Variants in ARHGEF10 observed in about 807,000 individuals in gnomAD.
ARHGEF10 encodes Rho guanine nucleotide exchange factor 10.
In ARHGEF10, 140 loss-of-function variants were observed where a neutral mutation model predicts 147.4. The observed-to-expected ratio is 0.95, with a 90% CI of 0.83 to 1.09. The LOEUF (loss-of-function observed/expected upper bound fraction) is 1.09, where lower values mean the gene tolerates loss of function less well. Ranked by LOEUF, ARHGEF10 falls within the 50% of genes least tolerant of loss-of-function variation. The pLI is 0.00. For synonymous variants in ARHGEF10, 902 were observed against 695.8 expected, an observed-to-expected ratio of 1.30 and a Z score of -4.67; for missense variants, 2,222 against 1,752.7, an observed-to-expected ratio of 1.27 and a Z score of -4.78.
rs1054455406 is a variant in ARHGEF10 at position 1,948,600 on chromosome 8, A to T, written c.3397+2945A>T. ...TTCAGTTTTGTTTGTGATGCTTCTG[A>T]CAGTGATTCTCTGTAAGATCCTCAG... On this transcript the variant is annotated intron_variant, in intron 27 of 28. Transcript: ENST00000349830. The surrounding 1 kb of genome is among the most constrained non-coding windows in gnomAD (Gnocchi z 4.9). 6.6e-6 allele frequency among the ~76,000 whole-genome samples: 1 copy of T among 152,116 alleles called. No individual in the cohort carries two copies. The highest frequency in any genetic ancestry group is 1.5e-5 in the Non-Finnish European group (1 of 68,032).
chr8:1,869,098 A>G, intron 6 of ARHGEF10, 96 bp from the exon 7 acceptor site: 2 of 1,158,668 alleles, frequency 1.7e-6, no homozygotes, highest in South Asian at 2.5e-5. Flanking sequence ...CTTTTTGAAT[A>G]ATCATGACAT....
intron 4 of ARHGEF10, 125 bp from the exon 5 acceptor site, chr8:1,864,248 C>G (rs971131564): frequency 3.2e-6 from 3 of 936,914 alleles, no homozygotes; most frequent in African/African-American, 1.6e-5. Context: ...TATTAATCAC[C>G]CTTATGCTAA....
At position 1,864,359 on chromosome 8, in the gene ARHGEF10, T is replaced by G. The variant is rs1308437586; in HGVS notation, c.482-14T>G. On this transcript the variant is annotated splice_polypyrimidine_tract_variant and intron_variant, in intron 4 of 28. Coordinates refer to ENST00000349830, the MANE Select transcript of ARHGEF10 (RefSeq NM_014629.4). ...CAGGCGTAAAGCAGCATCACATATT[T>G]TCTTTCCCAGCAGAAACACCAGAAG... is the stretch of plus-strand genomic sequence containing the variant. 2.5e-6 allele frequency: 4 copies of G among 1,613,892 alleles called. No individual in the cohort carries two copies. In the African/African-American group the frequency reaches 5.3e-5, roughly 22 times the overall value.
At chr8:1,954,284 G>T (rs1563337433) in intron 28 of ARHGEF10, among the ~76,000 whole-genome samples, 2 of 152,008 alleles carry the variant, frequency 1.3e-5, no homozygotes, top group Non-Finnish European at 2.9e-5. Flanking sequence ...AGTAGAGGTG[G>T]GGTTTCATCA....
chr8:1,909,262 A>G, intron 17 of ARHGEF10, 33 bp from the exon 18 acceptor site: 1 of 1,614,110 alleles, frequency 6.2e-7, no homozygotes, highest in Non-Finnish European at 8.5e-7. Context: ...TCATGTAATT[A>G]TTCGTAAAAC....
At chr8:1,852,236 G>A (rs111278756) in intron 2 of ARHGEF10, among the ~76,000 whole-genome samples, 1 of 151,106 alleles carries the variant, frequency 6.6e-6, no homozygotes, top group Admixed American at 6.6e-5. Flanking sequence ...AGAGGACCGG[G>A]GAGCAGCACC....
chr8:1,834,095 A>G (rs555879622), intron 1 of ARHGEF10, among the ~76,000 whole-genome samples: 2 of 152,226 alleles, frequency 1.3e-5, no homozygotes, highest in South Asian at 2.1e-4. Context: ...ACCCTCACCC[A>G]TCGGGGTGGA....
rs71211518 is a variant in ARHGEF10 at position 1,858,143 on chromosome 8, A to AGTCCCCAGGTGGGTCCCCAGGTGG, written c.193+51_193+52insGGTCCCCAGGTGGGTCCCCAGGTG. ...GAGTTTCCAGGAGGGTCCCCAGGTG[A>AGTCCCCAGGTGGGTCCCCAGGTGG]GTCCCCAGGTGGGTCCCCAGGTGAG... On this transcript the variant is annotated intron_variant, in intron 3 of 28. Coordinates refer to ENST00000349830, the MANE Select transcript of ARHGEF10 (RefSeq NM_014629.4). 0.091 allele frequency: 138,879 copies of AGTCCCCAGGTGGGTCCCCAGGTGG among 1,520,616 alleles called. 11,403 individuals carry two copies. The highest frequency in any genetic ancestry group is 0.15 in the African/African-American group (10,130 of 66,544). The allele number at this position is 1,520,616 out of a possible 1,614,324, so 94.2% of individuals were successfully genotyped here.
At chr8:1,862,541 C>G (rs1806217712) in intron 4 of ARHGEF10, among the ~76,000 whole-genome samples, 1 of 152,190 alleles carries the variant, frequency 6.6e-6, no homozygotes, top group African/African-American at 2.4e-5. Context: ...CAGTTTGCAC[C>G]TTAATTTCCC....
intron 1 of ARHGEF10, among the ~76,000 whole-genome samples, chr8:1,839,419 GAA>G (rs1803813390): frequency 2.0e-5 from 3 of 148,238 alleles, no homozygotes; most frequent in African/African-American, 5.1e-5. Context: ...GTCTGCTGTG[GAA>G]GCTGTCTGGT....
chr8:1,864,166 C>T (rs74979550), intron 4 of ARHGEF10, among the ~76,000 whole-genome samples: 2 of 152,040 alleles, frequency 1.3e-5, no homozygotes, highest in Non-Finnish European at 2.9e-5. Context: ...TTTCACAAGC[C>T]CTCAGTAGAT....
Position 1,879,557 on chromosome 8 carries a change from C to CTTTT in ARHGEF10, c.844-482_844-479dup, listed in dbSNP as rs11396190. Among the ~76,000 whole-genome samples, 5 of 144,790 alleles carry CTTTT rather than the reference C, an allele frequency of 3.5e-5. No homozygotes were observed. In the East Asian group the frequency reaches 8.0e-4, roughly 23 times the overall value. The allele number at this position is 144,790 out of a possible 152,430, so 95.0% of individuals were successfully genotyped here. The stretch of plus-strand genomic sequence containing the variant: ...TTAGCTCATTTCTGCATTTATCTCT[C>CTTTT]TTTTTTTTTTTTGGAGACAGGGTCT... On this transcript the variant is annotated intron_variant, in intron 8 of 28. Coordinates refer to ENST00000349830, the MANE Select transcript of ARHGEF10 (RefSeq NM_014629.4).
At chr8:1,832,965 T>C (rs373448778) in intron 1 of ARHGEF10, among the ~76,000 whole-genome samples, 1 of 7,878 alleles carries the variant, frequency 1.3e-4, no homozygotes, top group Non-Finnish European at 2.7e-4. Context: ...CAGAGGCAGA[T>C]ACAGAGGCAG....
At chr8:1,868,415 C>T (rs1381869212) in intron 6 of ARHGEF10, among the ~76,000 whole-genome samples, 1 of 152,134 alleles carries the variant, frequency 6.6e-6, no homozygotes, top group East Asian at 1.9e-4. Flanking sequence ...AGTGGAACCT[C>T]GATTTAAAGG....
At chr8:1,854,272 G>C (rs1433784104) in intron 2 of ARHGEF10, among the ~76,000 whole-genome samples, 1 of 152,118 alleles carries the variant, frequency 6.6e-6, no homozygotes, top group Non-Finnish European at 1.5e-5. Context: ...GGCCCCCTTG[G>C]AGGTGGGGGT....
intron 25 of ARHGEF10, among the ~76,000 whole-genome samples, chr8:1,932,557 A>G (rs1813240835): frequency 6.6e-6 from 1 of 152,232 alleles, no homozygotes; most frequent in Admixed American, 6.5e-5. Context: ...GTGCATGTGC[A>G]TATTTAATCA....
chr8:1,892,759 G>A (rs1444165420), intron 11 of ARHGEF10, among the ~76,000 whole-genome samples: 3 of 152,114 alleles, frequency 2.0e-5, no homozygotes. Context: ...ATATGCGGGA[G>A]TGCGCATGCT....
At chr8:1,911,979 A>G (rs1340481719) in intron 18 of ARHGEF10, among the ~76,000 whole-genome samples, 1 of 152,210 alleles carries the variant, frequency 6.6e-6, no homozygotes, top group African/African-American at 2.4e-5. Flanking sequence ...TTCTCAGTCG[A>G]TAGTCATAGG....
chr8:1,892,486 G>A (rs1017528549), intron 11 of ARHGEF10, among the ~76,000 whole-genome samples: 1 of 152,054 alleles, frequency 6.6e-6, no homozygotes, highest in Non-Finnish European at 1.5e-5. Flanking sequence ...ATCAGGTTTT[G>A]TAAATCTTGG....
Sources: allele counts gnomAD v4.1 joint callset (sites outside exome capture counted in the v4.1 genomes callset), GRCh38; gene constraint gnomAD v4.1.1; non-coding constraint Gnocchi (gnomAD v3.1); transcripts MANE v1.5; gene names NCBI Gene and HGNC (gene_info 2026-07-23, HGNC 2026-07-21).